Variants in ESCO1 observed in about 807,000 individuals in gnomAD.
The protein encoded by ESCO1 is establishment of sister chromatid cohesion N-acetyltransferase 1.
A neutral mutation model predicts 83.5 loss-of-function variants in ESCO1; 33 were observed. That is an observed-to-expected ratio of 0.40 (90% CI 0.30 to 0.53). The LOEUF (loss-of-function observed/expected upper bound fraction) is 0.53, where lower values mean the gene tolerates loss of function less well. ESCO1 is among the 20% of genes least tolerant of loss of function. The probability of loss-of-function intolerance (pLI) is 0.63; values close to 1 mark genes in which losing one functional copy is unlikely to be tolerated. For synonymous variants in ESCO1, 332 were observed against 324.3 expected, an observed-to-expected ratio of 1.02 and a Z score of -0.25; for missense variants, 855 against 968.0, an observed-to-expected ratio of 0.88 and a Z score of 1.55.
chr18:21,573,153 T>C (rs2038363036), intron 4 of ESCO1, among the ~76,000 whole-genome samples, 161 bp downstream of exon 4: 1 of 152,208 alleles, frequency 6.6e-6, no homozygotes, highest in African/African-American at 2.4e-5. Flanking sequence ...TGAAGTTCTA[T>C]CACAAGACTG....
chr18:21,581,189 T>C (rs113602780), intron 2 of ESCO1, among the ~76,000 whole-genome samples: 2 of 151,850 alleles, frequency 1.3e-5, no homozygotes, highest in African/African-American at 4.8e-5. Context: ...GGCGGGTGCC[T>C]GTAGTCCCAG....
intron 2 of ESCO1, among the ~76,000 whole-genome samples, chr18:21,583,981 TC>T (rs1315207204): frequency 2.0e-5 from 3 of 152,180 alleles, no homozygotes; most frequent in Admixed American, 2.0e-4. Context: ...GTAGCATGTC[TC>T]CCTTTGTGTA....
At chr18:21,551,941 G>C (rs2038052567) in intron 8 of ESCO1, among the ~76,000 whole-genome samples, 1 of 152,120 alleles carries the variant, frequency 6.6e-6, no homozygotes, top group Non-Finnish European at 1.5e-5. Flanking sequence ...TAAGGGAAAG[G>C]ATACTATCTA....
Position 21,574,920 on chromosome 18 carries a change from C to T in ESCO1, c.-77G>A. ...CCTGGTAGGCGTGAATGCTGACTAG[C>T]TAGTATTATTACTGAGGAGCAGGTC... On this transcript the variant is annotated 5_prime_UTR_variant, in exon 4 of 12. Coordinates refer to ENST00000269214, the MANE Select transcript of ESCO1 (RefSeq NM_052911.3). 1 of 1,127,142 alleles carries T rather than the reference C, an allele frequency of 8.9e-7. No individual in the cohort carries two copies. Among genetic ancestry groups the T allele is most frequent in the Non-Finnish European group, 1.2e-6 (1 of 812,068 alleles). 69.8% of individuals were successfully genotyped at this position (1,127,142 alleles called of 1,614,324 possible). A position where few individuals can be genotyped will look rare whatever the true frequency, so the allele number is the denominator to read the frequency against.
At chr18:21,554,837 G>A (rs973887931) in intron 8 of ESCO1, among the ~76,000 whole-genome samples, 1 of 152,080 alleles carries the variant, frequency 6.6e-6, no homozygotes, top group Non-Finnish European at 1.5e-5. Context: ...GAACCCGAGA[G>A]GCGGAGGTTT....
intron 5 of ESCO1, 109 bp downstream of exon 5, chr18:21,567,871 A>G: frequency 1.4e-6 from 1 of 717,312 alleles, no homozygotes; most frequent in Non-Finnish European, 2.3e-6. Context: ...AAATACAGCA[A>G]TGGTTAAAAA....
In ESCO1 at chr18:21,575,010, A is replaced by G. The variant is rs559661863; in HGVS notation, c.-167T>C. 17 of 526,484 alleles carry G rather than the reference A, an allele frequency of 3.2e-5. No individual in the cohort carries two copies. Among genetic ancestry groups the G allele is most frequent in the Middle Eastern group, 5.0e-4 (1 of 1,984 alleles). The allele number at this position is 526,484 out of a possible 1,614,324, so 32.6% of individuals were successfully genotyped here. On this transcript the variant is annotated 5_prime_UTR_variant, in exon 4 of 12. Coordinates refer to ENST00000269214, the MANE Select transcript of ESCO1 (RefSeq NM_052911.3). ...ACAAAAATACTAGTTTGCTTCAAGT[A>G]AGGTTTCTGTCATTCCTAGAACATG...
At chr18:21,539,657 C>T in intron 9 of ESCO1, among the ~76,000 whole-genome samples, 1 of 152,138 alleles carries the variant, frequency 6.6e-6, no homozygotes, top group South Asian at 2.1e-4. Context: ...CGAGGCCAGC[C>T]TGGCCAATAT....
chr18:21,579,784 A>ACGCGCG (rs199944972), intron 2 of ESCO1, among the ~76,000 whole-genome samples: 118 of 60,268 alleles, frequency 2.0e-3, no homozygotes, highest in East Asian at 0.011. Context: ...ACACACACAC[A>ACGCGCG]CGCGCGCGCG....
At chr18:21,598,435 C>T (rs1355736633) in intron 1 of ESCO1, among the ~76,000 whole-genome samples, 1 of 152,204 alleles carries the variant, frequency 6.6e-6, no homozygotes, top group African/African-American at 2.4e-5. Flanking sequence ...CATGGTGGCT[C>T]ACGCCTGTAA....
intron 7 of ESCO1, 52 bp downstream of exon 7, chr18:21,564,151 A>G (rs1197864821): frequency 2.6e-6 from 3 of 1,138,564 alleles, no homozygotes; most frequent in Non-Finnish European, 3.9e-6. Flanking sequence ...CATGAAATAT[A>G]CTAAGATGGT....
chr18:21,530,186 C>T lies in ESCO1; in HGVS notation c.*157G>A. Reference sequence around the variant, plus strand: ...TAAAAAACAAAACAATAAGCTATTACTGCATTGTTTCCAATTTTATGAAAA... The same window carrying T: ...TAAAAAACAAAACAATAAGCTATTATTGCATTGTTTCCAATTTTATGAAAA... On this transcript the variant is annotated 3_prime_UTR_variant, in exon 12 of 12. Transcript: ENST00000269214. 1 of 476,542 alleles carries T rather than the reference C, an allele frequency of 2.1e-6. No individual in the cohort carries two copies. The highest frequency in any genetic ancestry group is 3.6e-6 in the Non-Finnish European group (1 of 278,044). The allele number at this position is 476,542 out of a possible 1,614,324, so 29.5% of individuals were successfully genotyped here.
At chr18:21,576,395 T>C (rs1283821465) in intron 2 of ESCO1, among the ~76,000 whole-genome samples, 1 of 152,152 alleles carries the variant, frequency 6.6e-6, no homozygotes, top group Non-Finnish European at 1.5e-5. Flanking sequence ...CCAGGTTACT[T>C]GGGAGACTGA....
At chr18:21,540,810 G>A in intron 8 of ESCO1, 1 of 891,136 alleles carries the variant, frequency 1.1e-6, no homozygotes, top group Non-Finnish European at 1.4e-6. Context: ...CAGAAGGAAT[G>A]AGCTTAACTA....
chr18:21,573,940 T>C lies in ESCO1; in HGVS notation c.904A>G (p.Ser302Gly). The C allele has an allele frequency of 1.2e-6, 2 of 1,614,074 alleles. No individual in the cohort carries two copies. The highest frequency in any genetic ancestry group is 1.7e-6 in the Non-Finnish European group (2 of 1,180,026). ...LEQAGKSKRG[S>G]ILQLCEEIAG... The stretch of plus-strand genomic sequence containing the variant: ...ATTTCTTCACAGAGCTGGAGAATAC[T>C]ACCTCGTTTGCTCTTTCCTGCTTGC... The change falls in exon 4 of 12, where the codon AGT becomes GGT. Residue 302 changes from serine (S) to glycine (G), a missense_variant. Physicochemically the swap from Ser to Gly is moderately conservative, Grantham distance 56 (BLOSUM62 0). Around this residue, in one of 2 missense-constraint regions of ESCO1, gnomAD observed 726 missense variants for 699.5 expected, o/e 1.04. Coordinates refer to ENST00000269214, the MANE Select transcript of ESCO1 (RefSeq NM_052911.3).
At chr18:21,569,536 A>G (rs916486055) in intron 4 of ESCO1, among the ~76,000 whole-genome samples, 5 of 152,256 alleles carry the variant, frequency 3.3e-5, no homozygotes, top group African/African-American at 1.2e-4. Context: ...ACCTGAGGTC[A>G]GGAGTTCCAG....
chr18:21,577,753 G>A (rs1296328974), intron 2 of ESCO1, among the ~76,000 whole-genome samples: 1 of 151,920 alleles, frequency 6.6e-6, no homozygotes, highest in Non-Finnish European at 1.5e-5. Flanking sequence ...TAGAAGGAGT[G>A]AAACAGGAGG....
chr18:21,573,311 T>G lies in ESCO1; in HGVS notation c.1530+3A>C. 6.4e-7 allele frequency: 1 copy of G among 1,559,256 alleles called. No individual in the cohort carries two copies. Among genetic ancestry groups the G allele is most frequent in the Non-Finnish European group, 8.6e-7 (1 of 1,161,710 alleles). ...TCTATTGTGCATAATAAAAACAGAT[T>G]ACCTTATTTGATGCTGAATCAAAAG... On this transcript the variant is annotated splice_donor_region_variant and intron_variant, in intron 4 of 11. Transcript: ENST00000269214.
intron 8 of ESCO1, among the ~76,000 whole-genome samples, chr18:21,544,788 G>A (rs2037951278): frequency 6.6e-6 from 1 of 152,220 alleles, no homozygotes; most frequent in Admixed American, 6.5e-5. Context: ...GTGTGTGTGT[G>A]CTGTATTAAA....
Sources: gnomAD v4.1 joint callset for allele counts (sites outside exome capture counted in the v4.1 genomes callset) on GRCh38, gnomAD v4.1.1 for gene constraint, gnomAD v4.1.1 regional missense constraint, MANE v1.5 for transcripts, NCBI Gene and HGNC (gene_info 2026-07-23, HGNC 2026-07-21) for gene names.